The following ETV6 variants were observed in gnomAD, a reference collection of about 807,000 sequenced individuals.
The protein encoded by ETV6 is transcription factor ETV6.
Under a neutral mutation model 51.1 loss-of-function variants are expected in ETV6, and 16 were observed. That is an observed-to-expected ratio of 0.31 (90% confidence interval 0.21 to 0.48). The LOEUF (loss-of-function observed/expected upper bound fraction) is 0.48, where lower values mean the gene tolerates loss of function less well. Among genes scored for constraint, ETV6 ranks in the 20% least tolerant of loss-of-function variants. ETV6 has a pLI of 0.99. For missense variants in ETV6, 458 were observed against 594.8 expected, an observed-to-expected ratio of 0.77 and a Z score of 2.39; for synonymous variants, 240 against 224.1, an observed-to-expected ratio of 1.07 and a Z score of -0.64.
At chr12:11,674,652 TG>T (rs1864381750) in intron 1 of ETV6, among the ~76,000 whole-genome samples, 2 of 148,024 alleles carry the variant, frequency 1.4e-5, no homozygotes, top group Non-Finnish European at 3.0e-5. Context: ...TGTGTGTGTG[TG>T]TGTGTGTGTT....
At position 11,893,794 on chromosome 12, in the gene ETV6, TTATATATATATA is replaced by T. The variant is rs57308697; in HGVS notation, c.*2785_*2796del. 0.091 allele frequency: 7,209 copies of T among 79,040 alleles called. 391 individuals are homozygous for T. The highest frequency in any genetic ancestry group is 0.16 in the Middle Eastern group (30 of 190). 4.9% of individuals were successfully genotyped at this position (79,040 alleles called of 1,614,324 possible). On this transcript the variant is annotated 3_prime_UTR_variant, in exon 8 of 8. Coordinates refer to ENST00000396373, the MANE Select transcript of ETV6 (RefSeq NM_001987.5). Reference sequence around the variant, plus strand: ...GTGTCCATCCCCAAGATCTCTCATTTTATATATATATATATATATATATATATATATATATAT... The same window carrying T: ...GTGTCCATCCCCAAGATCTCTCATTTTATATATATATATATATATATATAT...
chr12:11,809,693 C>T (rs1945883282), intron 2 of ETV6, among the ~76,000 whole-genome samples: 1 of 152,084 alleles, frequency 6.6e-6, no homozygotes, highest in South Asian at 2.1e-4. Context: ...TCAATGTCTG[C>T]AGGTGTCCCT....
At chr12:11,824,277 C>T (rs1946122428) in intron 2 of ETV6, among the ~76,000 whole-genome samples, 1 of 152,308 alleles carries the variant, frequency 6.6e-6, no homozygotes, top group East Asian at 1.9e-4. Context: ...CAGGGAAAAC[C>T]CAAAAATAGC....
intron 2 of ETV6, among the ~76,000 whole-genome samples, chr12:11,825,236 C>T (rs1449101469): frequency 6.6e-6 from 1 of 152,092 alleles, no homozygotes; most frequent in African/African-American, 2.4e-5. Flanking sequence ...AAAGAAAAAT[C>T]ATTTCAGAAA....
intron 2 of ETV6, among the ~76,000 whole-genome samples, chr12:11,793,623 G>A (rs916611465): frequency 6.6e-6 from 1 of 152,190 alleles, no homozygotes; most frequent in Non-Finnish European, 1.5e-5. Context: ...ATTCAACCCA[G>A]GTCGGACTCT....
At chr12:11,858,628 G>A (rs1946667228) in intron 4 of ETV6, among the ~76,000 whole-genome samples, 1 of 152,160 alleles carries the variant, frequency 6.6e-6, no homozygotes, top group African/African-American at 2.4e-5. Flanking sequence ...CTTGGAGCTT[G>A]ATAATTTCAG....
rs1205149987 is a variant in ETV6, at chr12:11,892,374, T to G, written c.*1328T>G. ...AGGAAATTCCTCGGATACATTATTT[T>G]TTCTTTCTTTCATAGCTGTGTCTCA... On this transcript the variant is annotated 3_prime_UTR_variant, in exon 8 of 8. Coordinates refer to ENST00000396373, the MANE Select transcript of ETV6 (RefSeq NM_001987.5). 2 of 233,140 alleles carry G rather than the reference T, an allele frequency of 8.6e-6. No homozygotes were observed. Among genetic ancestry groups the G allele is most frequent in the East Asian group, 6.0e-5 (1 of 16,598 alleles). The allele number at this position is 233,140 out of a possible 1,614,324, so 14.4% of individuals were successfully genotyped here.
chr12:11,675,185 C>T (rs902001580), intron 1 of ETV6, among the ~76,000 whole-genome samples: 10 of 152,122 alleles, frequency 6.6e-5, no homozygotes, highest in Admixed American at 3.3e-4. Flanking sequence ...TTCTGTAACC[C>T]CCAAGCACCT....
At chr12:11,763,673 T>C (rs1945123897) in intron 2 of ETV6, among the ~76,000 whole-genome samples, 1 of 152,242 alleles carries the variant, frequency 6.6e-6, no homozygotes, top group Admixed American at 6.5e-5. Context: ...AGATACCTGC[T>C]TCACAAAGCT....
chr12:11,665,053 T>C (rs554918614), intron 1 of ETV6, among the ~76,000 whole-genome samples: 1 of 152,350 alleles, frequency 6.6e-6, no homozygotes, highest in South Asian at 2.1e-4. Context: ...GGTCTCGCTC[T>C]GTGGCCAAGG....
At chr12:11,748,866 CA>C (rs1865956428) in intron 1 of ETV6, among the ~76,000 whole-genome samples, 1 of 152,128 alleles carries the variant, frequency 6.6e-6, no homozygotes, top group Non-Finnish European at 1.5e-5. Context: ...TTTCAAGAGA[CA>C]ACCCTACTCC....
At chr12:11,684,245 A>G (rs1337327868) in intron 1 of ETV6, among the ~76,000 whole-genome samples, 1 of 152,262 alleles carries the variant, frequency 6.6e-6, no homozygotes, top group Non-Finnish European at 1.5e-5. Flanking sequence ...TTAGTGGCAG[A>G]TAAACCAGTG....
rs1243244910 is a variant in ETV6, at chr12:11,649,712, C to G, written c.-416C>G. 1 of 151,666 alleles carries G rather than the reference C, an allele frequency of 6.6e-6. No individual in the cohort carries two copies. Among genetic ancestry groups the G allele is most frequent in the African/African-American group, 2.4e-5 (1 of 41,230 alleles). The allele number at this position is 151,666 out of a possible 1,614,324, so 9.4% of individuals were successfully genotyped here. On this transcript the variant is annotated 5_prime_UTR_variant, in exon 1 of 8. Transcript: ENST00000396373. ...CACTGAAACTCTCAAGATCAATGAG[C>G]AAAGAGCTTTCTCAGTTCTGCCTTT...
At position 11,828,452 on chromosome 12, in the gene ETV6, G is replaced by GT. The variant is rs138253389; in HGVS notation, c.164-10683dup. Among the ~76,000 whole-genome samples, 949 of 152,220 alleles carry GT rather than the reference G, an allele frequency of 6.2e-3. 13 individuals are homozygous for GT. The highest frequency in any genetic ancestry group is 0.022 in the African/African-American group (908 of 41,532). On this transcript the variant is annotated intron_variant, in intron 2 of 7. Coordinates refer to ENST00000396373, the MANE Select transcript of ETV6 (RefSeq NM_001987.5). ...GGCACCCTTCGTGTCTCTCTTTTCT[G>GT]TTTTTCTCCCTGAAATATCAGGAGA...
chr12:11,805,387 T>C (rs535213927), intron 2 of ETV6, among the ~76,000 whole-genome samples: 33 of 152,336 alleles, frequency 2.2e-4, no homozygotes, highest in Admixed American at 6.5e-5. Flanking sequence ...TTGTACCTTT[T>C]TTATTCCTCT....
At chr12:11,768,987 C>T (rs1194123212) in intron 2 of ETV6, 3 of 473,074 alleles carry the variant, frequency 6.3e-6, no homozygotes, top group East Asian at 1.2e-4. Flanking sequence ...GATTGAAGAA[C>T]CCGTAGGCTC....
chr12:11,792,560 G>A (rs929015364), intron 2 of ETV6, among the ~76,000 whole-genome samples: 5 of 152,060 alleles, frequency 3.3e-5, no homozygotes, highest in South Asian at 2.1e-4. Flanking sequence ...GGTGGCGCAC[G>A]CCTGTAATCC....
At chr12:11,859,148 T>C (rs960491843) in intron 4 of ETV6, among the ~76,000 whole-genome samples, 5 of 80,168 alleles carry the variant, frequency 6.2e-5, no homozygotes, top group South Asian at 4.1e-4. Flanking sequence ...TTTTTTTTTT[T>C]TTTTTTTTTT....
At chr12:11,751,526 G>A (rs558990274) in intron 1 of ETV6, 8 of 502,392 alleles carry the variant, frequency 1.6e-5, no homozygotes, top group African/African-American at 7.8e-5. Flanking sequence ...CTGTTTTGCC[G>A]AACCCAACAG....
Sources: gnomAD v4.1 joint callset for allele counts (sites outside exome capture counted in the v4.1 genomes callset) on GRCh38, gnomAD v4.1.1 for gene constraint, MANE v1.5 for transcripts, NCBI Gene and HGNC (gene_info 2026-07-23, HGNC 2026-07-21) for gene names.